CALN1: variants seen among roughly 807,000 people sequenced by gnomAD.
The protein encoded by CALN1 is calneuron 1, also known as calcium-binding protein 8.
Under a neutral mutation model 30.6 loss-of-function variants are expected in CALN1, and 17 were observed. That is an observed-to-expected ratio of 0.56 (90% CI 0.38 to 0.83). The LOEUF (loss-of-function observed/expected upper bound fraction) is 0.83. Among genes scored for constraint, CALN1 ranks in the 40% least tolerant of loss-of-function variants. The probability of loss-of-function intolerance (pLI) is 0.00; values close to 1 mark genes in which losing one functional copy is unlikely to be tolerated. For missense variants in CALN1, 291 were observed against 354.9 expected (o/e 0.82, Z 1.45); for synonymous variants, 156 against 131.4 (o/e 1.19, Z -1.28).
intron 4 of CALN1, among the ~76,000 whole-genome samples, chr7:72,065,518 T>C (rs987162835): frequency 1.3e-5 from 2 of 152,152 alleles, no homozygotes; most frequent in Non-Finnish European, 2.9e-5. Flanking sequence ...TATCTTCACC[T>C]ATTCTTCTCT....
chr7:71,958,017 A>C (rs1797046942), intron 5 of CALN1, among the ~76,000 whole-genome samples: 1 of 145,506 alleles, frequency 6.9e-6, no homozygotes, highest in South Asian at 2.3e-4. Flanking sequence ...GTGAGCCCAG[A>C]TTGTGCCATT....
chr7:71,978,272 T>C (rs1298551389), intron 5 of CALN1, among the ~76,000 whole-genome samples: 1 of 135,978 alleles, frequency 7.4e-6, no homozygotes, highest in Non-Finnish European at 1.5e-5. Flanking sequence ...CTTTTTTTTT[T>C]TTTTTTTTTT....
intron 2 of CALN1, among the ~76,000 whole-genome samples, chr7:72,324,650 T>C (rs1801141997): frequency 6.6e-6 from 1 of 151,918 alleles, no homozygotes; most frequent in Non-Finnish European, 1.5e-5. Context: ...TGGGGTAACT[T>C]GGCTCACTGC....
intron 3 of CALN1, among the ~76,000 whole-genome samples, chr7:72,251,814 C>T (rs1375654847): frequency 6.6e-6 from 1 of 152,118 alleles, no homozygotes; most frequent in Non-Finnish European, 1.5e-5. Context: ...GGTTGTAATA[C>T]AGTACCATAG....
intron 4 of CALN1, among the ~76,000 whole-genome samples, chr7:72,033,663 G>C (rs904719083): frequency 1.3e-5 from 2 of 152,172 alleles, no homozygotes; most frequent in Admixed American, 1.3e-4. Flanking sequence ...GAAGGTGACC[G>C]ACCACCCTTC....
At position 72,180,524 on chromosome 7, in the gene CALN1, CT is replaced by C. The variant is rs35465505; in HGVS notation, c.245-74231del. Reference sequence around the variant, plus strand: ...TTGACATCTTCATACAGAAGGTGTCCTTTTTTTTTTTTTTTTTAATCAACTT... The same window carrying C: ...TTGACATCTTCATACAGAAGGTGTCCTTTTTTTTTTTTTTTTAATCAACTT... On this transcript the variant is annotated intron_variant, in intron 3 of 6. Coordinates refer to ENST00000395275, the MANE Select transcript of CALN1 (RefSeq NM_031468.4). 6.7e-3 allele frequency among the ~76,000 whole-genome samples: 758 copies of C among 113,580 alleles called. 1 individual carries two copies. Among genetic ancestry groups the C allele is most frequent in the Admixed American group, 0.013 (142 of 11,230 alleles). 74.5% of individuals were successfully genotyped at this position (113,580 alleles called of 152,430 possible).
chr7:72,246,771 T>TTTTTTTTA (rs1795194829), intron 3 of CALN1, among the ~76,000 whole-genome samples: 5 of 149,968 alleles, frequency 3.3e-5, no homozygotes, highest in Admixed American at 1.3e-4. Flanking sequence ...TTTTTTTTTT[T>TTTTTTTTA]GAGATGGAGT....
At chr7:71,829,980 T>C (rs553438095) in intron 5 of CALN1, among the ~76,000 whole-genome samples, 1 of 151,966 alleles carries the variant, frequency 6.6e-6, no homozygotes, top group African/African-American at 2.4e-5. Context: ...TGTCTGTCTG[T>C]CTGTCTCTCT....
intron 5 of CALN1, among the ~76,000 whole-genome samples, chr7:71,978,741 A>G (rs1798236544): frequency 6.6e-6 from 1 of 152,204 alleles, no homozygotes; most frequent in Non-Finnish European, 1.5e-5. Context: ...AGTTTATCCC[A>G]GAGTCATAGG....
At chr7:72,035,953 T>C (rs1313159559) in intron 4 of CALN1, among the ~76,000 whole-genome samples, 1 of 152,242 alleles carries the variant, frequency 6.6e-6, no homozygotes, top group Non-Finnish European at 1.5e-5. Flanking sequence ...TTGCTTCATA[T>C]GGCTTCAAGT....
At chr7:72,000,635 A>G (rs1799477635) in intron 5 of CALN1, among the ~76,000 whole-genome samples, 1 of 152,122 alleles carries the variant, frequency 6.6e-6, no homozygotes, top group African/African-American at 2.4e-5. Context: ...TCTCCCATAA[A>G]CAGTTTTACA....
chr7:72,159,844 G>C (rs1480973340), intron 3 of CALN1, among the ~76,000 whole-genome samples: 2 of 152,104 alleles, frequency 1.3e-5, no homozygotes, highest in African/African-American at 4.8e-5. Flanking sequence ...AAAATATTTA[G>C]AAAGAAGAAT....
chr7:71,860,749 T>C (rs1235308866), intron 5 of CALN1, among the ~76,000 whole-genome samples: 1 of 151,054 alleles, frequency 6.6e-6, no homozygotes, highest in Non-Finnish European at 1.5e-5. Context: ...CCAGGAGAGG[T>C]TGAAAGTGAA....
intron 4 of CALN1, among the ~76,000 whole-genome samples, chr7:72,073,062 A>C (rs923973764): frequency 2.6e-5 from 4 of 152,242 alleles, no homozygotes; most frequent in Admixed American, 6.5e-5. Flanking sequence ...CTTATCAGTC[A>C]ATCTAAAAAA....
chr7:72,260,326 G>A (rs779529982), intron 3 of CALN1, among the ~76,000 whole-genome samples: 12 of 152,252 alleles, frequency 7.9e-5, no homozygotes, highest in East Asian at 1.9e-4. Context: ...GACAAACTCC[G>A]TTTGTTGAAC....
chr7:71,847,770 AAGAAAG>A (rs199884768), intron 5 of CALN1, among the ~76,000 whole-genome samples: 11 of 128,936 alleles, frequency 8.5e-5, no homozygotes, highest in Admixed American at 1.7e-4. Context: ...GAAGAAGAAG[AAGAAAG>A]AAGAAGAAGA....
intron 2 of CALN1, among the ~76,000 whole-genome samples, chr7:72,331,265 G>A (rs1485091759): frequency 4.6e-5 from 7 of 152,018 alleles, no homozygotes; most frequent in East Asian, 3.9e-4. Flanking sequence ...CAGAAGAATC[G>A]CTTGAACCCA....
chr7:71,968,883 AT>A (rs112347759), intron 5 of CALN1, among the ~76,000 whole-genome samples: 19,199 of 136,888 alleles, frequency 0.14, 1,514 homozygotes, highest in East Asian at 0.34. Context: ...CACCTCTACA[AT>A]TTTTTTTTTT....
intron 3 of CALN1, among the ~76,000 whole-genome samples, chr7:72,276,979 C>T (rs1797375369): frequency 6.6e-6 from 1 of 152,218 alleles, no homozygotes; most frequent in Non-Finnish European, 1.5e-5. Flanking sequence ...TGGCCCTCCC[C>T]AGACATCAAA....
Sources: gnomAD v4.1 joint callset for allele counts (sites outside exome capture counted in the v4.1 genomes callset) on GRCh38, gnomAD v4.1.1 for gene constraint, MANE v1.5 for transcripts, NCBI Gene and HGNC (gene_info 2026-07-23, HGNC 2026-07-21) for gene names.